Variants in PHTF2 observed in about 807,000 individuals in gnomAD.
The protein encoded by PHTF2 is putative homeodomain transcription factor 2, also known as protein PHTF2.
Under a neutral mutation model 101.2 loss-of-function variants are expected in PHTF2, and 60 were observed. The ratio of observed to expected loss-of-function variants is 0.59; its 90% CI spans 0.48 to 0.73. The LOEUF is 0.73. Among genes scored for constraint, PHTF2 ranks in the 30% least tolerant of loss-of-function variants. The pLI is 0.00. For missense variants in PHTF2, 747 were observed against 908.7 expected (o/e 0.82, Z 2.29); for synonymous variants, 311 against 307.3 (o/e 1.01, Z -0.13).
At chr7:77,898,159 A>G (rs910517517) in intron 5 of PHTF2, among the ~76,000 whole-genome samples, 5 of 152,278 alleles carry the variant, frequency 3.3e-5, no homozygotes, top group Admixed American at 2.0e-4. Flanking sequence ...GTCGATTAGA[A>G]GAAGCATGTT....
At chr7:77,856,690 T>C (rs1024167322) in intron 3 of PHTF2, among the ~76,000 whole-genome samples, 4 of 152,178 alleles carry the variant, frequency 2.6e-5, no homozygotes, top group African/African-American at 9.7e-5. Context: ...GACTTTTTTT[T>C]CCTTGCCGTT....
At chr7:77,863,826 G>A (rs1158671782) in intron 3 of PHTF2, among the ~76,000 whole-genome samples, 8 of 140,864 alleles carry the variant, frequency 5.7e-5, no homozygotes, top group Admixed American at 3.8e-4. Context: ...TTACTCTGTC[G>A]CCCAAGCTGG....
rs76880820 is a variant in PHTF2, at chr7:77,923,561, T to A, written c.1119+783T>A. 3,944 of 985,402 alleles carry A rather than the reference T, an allele frequency of 4.0e-3. 121 individuals carry two copies. In the African/African-American group the frequency reaches 0.063, roughly 16 times the overall value. The allele number at this position is 985,402 out of a possible 1,614,324, so 61.0% of individuals were successfully genotyped here. A position where few individuals can be genotyped will look rare whatever the true frequency, so the allele number is the denominator to read the frequency against. On this transcript the variant is annotated intron_variant, in intron 11 of 19. Coordinates refer to ENST00000416283, the Ensembl canonical transcript of PHTF2. ...CTCTTCTTTGTGGTTGTGTCTCTGG[T>A]TAATCTTTCTGGTGATTGTGGTTTT... is the stretch of plus-strand genomic sequence containing the variant.
intron 9 of PHTF2, 59 bp downstream of exon 8, chr7:77,910,468 C>T (rs1400494910): frequency 1.3e-5 from 16 of 1,214,886 alleles, no homozygotes; most frequent in Non-Finnish European, 1.9e-5. Context: ...TTTTCTGGCA[C>T]TTCAGTCTCA....
At position 77,833,946 on chromosome 7, in the gene PHTF2, G is replaced by A. The variant is rs181935233; in HGVS notation, c.-35-6275G>A. 8.9e-4 allele frequency among the ~76,000 whole-genome samples: 135 copies of A among 152,212 alleles called. 1 individual carries two copies. Among genetic ancestry groups the A allele is most frequent in the African/African-American group, 2.9e-3 (120 of 41,538 alleles). On this transcript the variant is annotated intron_variant, in intron 1 of 19. Coordinates refer to ENST00000416283, the Ensembl canonical transcript of PHTF2. The stretch of plus-strand genomic sequence containing the variant: ...GTTTTTGGGTGTGTTAGAATTCAGA[G>A]AAACTTCTGTACATTATTGGAATTG...
chr7:77,803,515 C>T (rs1047981119), intron 1 of PHTF2, among the ~76,000 whole-genome samples: 10 of 152,240 alleles, frequency 6.6e-5, no homozygotes, highest in African/African-American at 2.2e-4. Flanking sequence ...ACATTGGACT[C>T]ATTATGTAAT....
At chr7:77,912,123 T>G (rs529577358) in intron 9 of PHTF2, among the ~76,000 whole-genome samples, 1 of 152,352 alleles carries the variant, frequency 6.6e-6, no homozygotes, top group Admixed American at 6.5e-5. Flanking sequence ...TCTTATCAAA[T>G]GAGATAGAGA....
chr7:77,949,657 T>C, intron 16 of PHTF2, 21 bp from the exon 16 acceptor site: 1 of 1,439,444 alleles, frequency 6.9e-7, no homozygotes, highest in Non-Finnish European at 9.5e-7. Context: ...CTGCTTTATG[T>C]TACCTTTTTC....
chr7:77,947,354 G>T (rs1806140849), intron 16 of PHTF2, among the ~76,000 whole-genome samples: 1 of 152,074 alleles, frequency 6.6e-6, no homozygotes, highest in African/African-American at 2.4e-5. Context: ...CTGAGGTCAG[G>T]AGTTCAAGAC....
intron 2 of PHTF2, among the ~76,000 whole-genome samples, chr7:77,841,701 G>A (rs1795900651): frequency 1.3e-5 from 2 of 152,148 alleles, no homozygotes; most frequent in South Asian, 2.1e-4. Flanking sequence ...TTTATTGGAA[G>A]TATTGATATT....
At chr7:77,871,906 T>G (rs1280483821) in intron 3 of PHTF2, among the ~76,000 whole-genome samples, 1 of 152,230 alleles carries the variant, frequency 6.6e-6, no homozygotes, top group African/African-American at 2.4e-5. Flanking sequence ...GATGGTAGTC[T>G]TGGCAGAAGC....
exon 20 of PHTF2, chr7:77,955,666 G>T (rs1259690846): frequency 2.0e-5 from 3 of 152,440 alleles, no homozygotes; most frequent in Non-Finnish European, 4.4e-5. Flanking sequence ...GCATGATATG[G>T]TATCCTTTTG....
intron 12 of PHTF2, among the ~76,000 whole-genome samples, chr7:77,930,499 C>G (rs1410054234): frequency 6.6e-6 from 1 of 152,096 alleles, no homozygotes; most frequent in African/African-American, 2.4e-5. Flanking sequence ...CCTTCTCTCT[C>G]TTATCCAACT....
chr7:77,909,022 G>A, intron 8 of PHTF2, 64 bp downstream of exon 7: 1 of 1,123,642 alleles, frequency 8.9e-7, no homozygotes, highest in Non-Finnish European at 1.3e-6. Context: ...GATTGTTCTT[G>A]ACTCCTCTTA....
At chr7:77,829,179 T>C (rs998540720) in intron 1 of PHTF2, among the ~76,000 whole-genome samples, 1 of 152,154 alleles carries the variant, frequency 6.6e-6, no homozygotes, top group Non-Finnish European at 1.5e-5. Flanking sequence ...AGACCCTGTC[T>C]CCTAACAAAG....
intron 9 of PHTF2, among the ~76,000 whole-genome samples, chr7:77,917,629 A>G (rs1181771452): frequency 6.6e-6 from 1 of 152,102 alleles, no homozygotes; most frequent in African/African-American, 2.4e-5. Flanking sequence ...TACTTATTCC[A>G]TTAGTCACCT....
At chr7:77,882,312 C>T (rs528182411) in intron 3 of PHTF2, among the ~76,000 whole-genome samples, 1 of 151,944 alleles carries the variant, frequency 6.6e-6, no homozygotes, top group East Asian at 1.9e-4. Context: ...CTGTTTTCTT[C>T]CTTGAAAAGT....
intron 9 of PHTF2, among the ~76,000 whole-genome samples, chr7:77,918,287 CT>C (rs1231992329): frequency 2.0e-5 from 3 of 152,112 alleles, no homozygotes; most frequent in African/African-American, 7.2e-5. Context: ...ACTATTTCTA[CT>C]TTGACTGCTG....
chr7:77,940,790 A>T (rs1407939257), intron 15 of PHTF2, 131 bp downstream of exon 14: 1 of 592,052 alleles, frequency 1.7e-6, no homozygotes, highest in Non-Finnish European at 2.8e-6. Context: ...TGGATTAGGG[A>T]TTTTGTTTCT....
Sources: gnomAD v4.1 joint callset for allele counts (sites outside exome capture counted in the v4.1 genomes callset) on GRCh38, gnomAD v4.1.1 for gene constraint, MANE v1.5 for transcripts, NCBI Gene and HGNC (gene_info 2026-07-23, HGNC 2026-07-21) for gene names.